Variants in GALNT8 observed in about 807,000 individuals in gnomAD.
GALNT8 encodes polypeptide N-acetylgalactosaminyltransferase 8.
In GALNT8, 66 loss-of-function variants were observed where a neutral mutation model predicts 62.7. The observed-to-expected ratio is 1.05, with a 90% CI of 0.86 to 1.29. GALNT8 has a LOEUF of 1.29. Ranked by LOEUF, GALNT8 falls within the 50% of genes most tolerant of loss-of-function variation. The pLI is 0.00. For missense variants in GALNT8, 771 were observed against 791.8 expected (o/e 0.97, Z 0.32); for synonymous variants, 288 against 294.3 (o/e 0.98, Z 0.22).
At chr12:4,746,014 G>A in intron 5 of GALNT8, 130 bp from the exon 6 acceptor site, 1 of 632,296 alleles carries the variant, frequency 1.6e-6, no homozygotes, top group Non-Finnish European at 2.9e-6. Context: ...TTGCCTGAGA[G>A]TTTAGGGAAG....
At chr12:4,736,151 C>T (rs188075901) in intron 2 of GALNT8, among the ~76,000 whole-genome samples, 34 of 152,250 alleles carry the variant, frequency 2.2e-4, no homozygotes, top group African/African-American at 8.2e-4. Context: ...TGAACCTGCT[C>T]AGGAACAGGA....
intron 6 of GALNT8, among the ~76,000 whole-genome samples, chr12:4,757,497 AG>A (rs1324202535): frequency 6.6e-6 from 1 of 152,196 alleles, no homozygotes; most frequent in Non-Finnish European, 1.5e-5. Flanking sequence ...CTAGGGTGAT[AG>A]GGGCCAAGAC....
At chr12:4,763,514 C>G in intron 8 of GALNT8, 124 bp downstream of exon 8, 1 of 751,424 alleles carries the variant, frequency 1.3e-6, no homozygotes, top group Non-Finnish European at 2.3e-6. Context: ...CTACTCAGCT[C>G]TTCGCCCTCA....
intron 4 of GALNT8, among the ~76,000 whole-genome samples, chr12:4,745,199 G>A (rs1247040103): frequency 6.6e-6 from 1 of 152,098 alleles, no homozygotes; most frequent in Non-Finnish European, 1.5e-5. Context: ...GTGTTACCTG[G>A]GTACTAATTT....
At position 4,744,584 on chromosome 12, in the gene GALNT8, A is replaced by G. The variant is rs140493745; in HGVS notation, c.744A>G (p.Lys248=). Residue 248 remains lysine (K), a synonymous_variant, in exon 4 of 11, where the codon AAA becomes AAG. Coordinates refer to ENST00000252318, the MANE Select transcript of GALNT8 (RefSeq NM_017417.2). ...ACCAGAAGTATCCAGGACTACTGAA[A>G]ATAATACGGCATCCTGAAAGGAAAG... ...LYNQKYPGLL[K]IIRHPERKGL... 5 of 1,613,044 alleles carry G rather than the reference A, an allele frequency of 3.1e-6. No individual in the cohort carries two copies. Among genetic ancestry groups the G allele is most frequent in the Non-Finnish European group, 4.2e-6 (5 of 1,179,020 alleles).
At position 4,765,520 on chromosome 12, in the gene GALNT8, C is replaced by T; in HGVS notation, c.1735C>T (p.Leu579=). The stretch of plus-strand genomic sequence containing the variant: ...ATGCTCCAAGGCAGCTAAGAATAGA[C>T]TGCATATATATTGGGATTTTAAACC... ...EPCSKAAKNR[L]HIYWDFKPGG... Residue 579 remains leucine (L), a synonymous_variant, in exon 10 of 11, where the codon CTG becomes TTG. Coordinates refer to ENST00000252318, the MANE Select transcript of GALNT8 (RefSeq NM_017417.2). The T allele has an allele frequency of 6.2e-7, 1 of 1,605,804 alleles. No individual in the cohort carries two copies. Among genetic ancestry groups the T allele is most frequent in the Non-Finnish European group, 8.5e-7 (1 of 1,177,964 alleles).
chr12:4,771,563 A>G (rs1380056706), intron 10 of GALNT8, among the ~76,000 whole-genome samples: 1 of 152,168 alleles, frequency 6.6e-6, no homozygotes, highest in Non-Finnish European at 1.5e-5. Context: ...ACTTGGTGGC[A>G]GTTTGTCTGA....
intron 9 of GALNT8, among the ~76,000 whole-genome samples, chr12:4,764,599 A>G (rs1410762480): frequency 1.5e-5 from 2 of 136,700 alleles, no homozygotes; most frequent in Non-Finnish European, 3.0e-5. Flanking sequence ...GCTGGAGTGC[A>G]GTGGCGCGGT....
At chr12:4,731,560 C>A (rs1328160972) in intron 2 of GALNT8, among the ~76,000 whole-genome samples, 1 of 152,126 alleles carries the variant, frequency 6.6e-6, no homozygotes, top group African/African-American at 2.4e-5. Flanking sequence ...TTGTCTTGTT[C>A]CTGACCTTAG....
chr12:4,751,349 A>G (rs1946321637), intron 6 of GALNT8, among the ~76,000 whole-genome samples: 1 of 152,170 alleles, frequency 6.6e-6, no homozygotes, highest in African/African-American at 2.4e-5. Context: ...TTTAAGATGC[A>G]TCATTAGATT....
intron 7 of GALNT8, among the ~76,000 whole-genome samples, chr12:4,762,377 T>A (rs1041496782): frequency 1.3e-5 from 2 of 152,218 alleles, no homozygotes; most frequent in Non-Finnish European, 2.9e-5. Context: ...ACACAAGTGG[T>A]TTCTGCTTTT....
chr12:4,723,137 T>G (rs888300447), intron 1 of GALNT8, among the ~76,000 whole-genome samples: 7 of 152,212 alleles, frequency 4.6e-5, no homozygotes, highest in Non-Finnish European at 1.0e-4. Context: ...AAGTGCTGTT[T>G]CCATGAACGT....
At chr12:4,738,804 G>A (rs1946257217) in intron 2 of GALNT8, among the ~76,000 whole-genome samples, 1 of 152,238 alleles carries the variant, frequency 6.6e-6, no homozygotes, top group African/African-American at 2.4e-5. Context: ...AAAGGTGACT[G>A]GGGTCTGAGA....
rs1432552665 is a variant in GALNT8 at position 4,761,055 on chromosome 12, C to T, written c.1271C>T (p.Ala424Val). The change falls in exon 7 of 11, where the codon GCC becomes GTC. Residue 424 changes from alanine to valine, a missense_variant. Coordinates refer to ENST00000252318, the MANE Select transcript of GALNT8 (RefSeq NM_017417.2). ...HKPYALDLTAALKRNALRVAE... is the reference protein window; with the variant it reads ...HKPYALDLTAVLKRNALRVAE... Reference sequence around the variant, plus strand: ...CCCTACGCCTTGGATCTCACCGCTGCCTTGAAGCGCAATGCTCTGCGAGTG... The same window carrying T: ...CCCTACGCCTTGGATCTCACCGCTGTCTTGAAGCGCAATGCTCTGCGAGTG... 6.2e-7 allele frequency: 1 copy of T among 1,613,982 alleles called. No homozygotes were observed. The highest frequency in any genetic ancestry group is 1.1e-5 in the South Asian group (1 of 91,064).
chr12:4,742,378 G>A (rs143727691), intron 3 of GALNT8, among the ~76,000 whole-genome samples: 8 of 152,300 alleles, frequency 5.3e-5, no homozygotes, highest in African/African-American at 1.9e-4. Flanking sequence ...TTATATCAAG[G>A]TAGGTGGAAT....
At position 4,765,474 on chromosome 12, in the gene GALNT8, G is replaced by A. The variant is rs192391682; in HGVS notation, c.1689G>A (p.Ala563=). ...SDRCLTDPGK[A]EKPTLEPCSK... Reference sequence around the variant, plus strand: ...GCTGCCTGACAGACCCTGGCAAGGCGGAGAAGCCCACCTTAGAACCATGCT... The same window carrying A: ...GCTGCCTGACAGACCCTGGCAAGGCAGAGAAGCCCACCTTAGAACCATGCT... Residue 563 remains alanine (A), a synonymous_variant, in exon 10 of 11, where the codon GCG becomes GCA. Coordinates refer to ENST00000252318, the MANE Select transcript of GALNT8 (RefSeq NM_017417.2). 49 of 1,612,844 alleles carry A rather than the reference G, an allele frequency of 3.0e-5. 1 individual carries two copies. Among genetic ancestry groups the A allele is most frequent in the East Asian group, 1.3e-4 (6 of 44,852 alleles).
chr12:4,765,576 G>GTTTGTTTTGT, intron 10 of GALNT8, 30 bp downstream of exon 10: 1 of 1,554,680 alleles, frequency 6.4e-7, no homozygotes, highest in Non-Finnish European at 8.8e-7. Flanking sequence ...TTGTTGGTTT[G>GTTTGTTTTGT]TTTGTTTTGT....
chr12:4,765,135 T>C (rs1014701303), intron 9 of GALNT8, among the ~76,000 whole-genome samples: 1 of 152,092 alleles, frequency 6.6e-6, no homozygotes, highest in African/African-American at 2.4e-5. Context: ...TCTTCATCCA[T>C]GTAAGCTATG....
chr12:4,742,223 T>C (rs1422695419), intron 3 of GALNT8, among the ~76,000 whole-genome samples: 1 of 152,256 alleles, frequency 6.6e-6, no homozygotes, highest in Non-Finnish European at 1.5e-5. Context: ...TTGTAGTACT[T>C]TTGAAATGCC....
Sources: gnomAD v4.1 joint callset for allele counts (sites outside exome capture counted in the v4.1 genomes callset) on GRCh38, gnomAD v4.1.1 for gene constraint, MANE v1.5 for transcripts, NCBI Gene and HGNC (gene_info 2026-07-23, HGNC 2026-07-21) for gene names.